FOCAD: variants seen among roughly 807,000 people sequenced by gnomAD.
The protein encoded by FOCAD is KIAA1797.
Under a neutral mutation model 225.6 loss-of-function variants are expected in FOCAD, and 198 were observed. That is an observed-to-expected ratio of 0.88 (90% CI 0.78 to 0.99). FOCAD has a LOEUF of 0.99. Ranked by LOEUF, FOCAD falls within the 50% of genes least tolerant of loss-of-function variation. The pLI is 0.00. For missense variants in FOCAD, 2,713 were observed against 2,123.6 expected (o/e 1.28, Z -5.46); for synonymous variants, 897 against 755.0 (o/e 1.19, Z -3.08).
intron 24 of FOCAD, among the ~76,000 whole-genome samples, chr9:20,919,947 C>A (rs1374033085): frequency 3.3e-5 from 5 of 151,658 alleles, no homozygotes; most frequent in Admixed American, 2.6e-4. Context: ...GCAACAAAAG[C>A]CAAAATTGAC....
At chr9:20,895,708 T>C (rs1832022506) in intron 21 of FOCAD, among the ~76,000 whole-genome samples, 1 of 151,936 alleles carries the variant, frequency 6.6e-6, no homozygotes, top group Non-Finnish European at 1.5e-5. Context: ...CAATTGATTT[T>C]TGTATTGTAA....
At chr9:20,808,041 C>T (rs4977741) in intron 11 of FOCAD, among the ~76,000 whole-genome samples, 129,872 of 151,624 alleles carry the variant, frequency 0.86, 55,667 homozygotes, top group Admixed American at 0.91. Flanking sequence ...AGTGAGACTC[C>T]GTCTAAGAAA....
chr9:20,951,162 G>A, intron 34 of FOCAD, 64 bp downstream of exon 34: 1 of 1,228,404 alleles, frequency 8.1e-7, no homozygotes, highest in Non-Finnish European at 1.2e-6. Flanking sequence ...GCGCTCTGTA[G>A]TTTGTTAAGA....
At chr9:20,937,998 A>G (rs939117915) in intron 28 of FOCAD, among the ~76,000 whole-genome samples, 5 of 152,074 alleles carry the variant, frequency 3.3e-5, no homozygotes, top group Non-Finnish European at 7.4e-5. Flanking sequence ...ATCACTGGCC[A>G]TCAGAGAAAT....
At chr9:20,876,871 T>C (rs1830270938) in intron 19 of FOCAD, among the ~76,000 whole-genome samples, 1 of 152,178 alleles carries the variant, frequency 6.6e-6, no homozygotes, top group Non-Finnish European at 1.5e-5. Context: ...CCTTTCTCCT[T>C]TTAATTCCTT....
At chr9:20,733,967 C>T (rs1397484038) in intron 4 of FOCAD, among the ~76,000 whole-genome samples, 2 of 152,174 alleles carry the variant, frequency 1.3e-5, no homozygotes, top group African/African-American at 2.4e-5. Flanking sequence ...GCTATGATTG[C>T]ACCACTGTGC....
chr9:20,831,622 A>G (rs1414724634), intron 15 of FOCAD, among the ~76,000 whole-genome samples: 1 of 152,078 alleles, frequency 6.6e-6, no homozygotes, highest in Non-Finnish European at 1.5e-5. Context: ...CTCAGGTTGC[A>G]GAGAGACAGA....
At chr9:20,761,816 A>G (rs183966425) in intron 6 of FOCAD, among the ~76,000 whole-genome samples, 1 of 152,268 alleles carries the variant, frequency 6.6e-6, no homozygotes, top group East Asian at 1.9e-4. Flanking sequence ...GTGTAGGTAC[A>G]TACATAATTG....
intron 39 of FOCAD, 22 bp from the exon 40 acceptor site, chr9:20,986,266 A>ATTTTTTGTTTTTTTTTTTTT: frequency 2.8e-6 from 2 of 705,686 alleles, no homozygotes; most frequent in Non-Finnish European, 3.6e-6. Context: ...TAACTAAACA[A>ATTTTTTGTTTTTTTTTTTTT]TTTTTTTTTT....
At chr9:20,832,954 T>C (rs1825657481) in intron 15 of FOCAD, among the ~76,000 whole-genome samples, 1 of 152,068 alleles carries the variant, frequency 6.6e-6, no homozygotes, top group Non-Finnish European at 1.5e-5. Flanking sequence ...CTTTATGAGG[T>C]AGTGACTAAT....
intron 37 of FOCAD, among the ~76,000 whole-genome samples, chr9:20,979,390 G>C (rs1161390801): frequency 1.3e-5 from 2 of 152,186 alleles, no homozygotes. Flanking sequence ...CCAGGCTGGA[G>C]TGCAGTGGCA....
chr9:20,851,769 C>G (rs1827682904), intron 15 of FOCAD, among the ~76,000 whole-genome samples: 1 of 151,728 alleles, frequency 6.6e-6, no homozygotes, highest in Non-Finnish European at 1.5e-5. Context: ...AAGCTGTATC[C>G]AGTTAATAAT....
rs545260289 is a variant in FOCAD, at chr9:20,804,696, T to C, written c.1455+15088T>C. The stretch of plus-strand genomic sequence containing the variant: ...TGATTGAGAGGTCACTGGTGAATAG[T>C]AACACAAGATCTATTACCGTTATTA... On this transcript the variant is annotated intron_variant, in intron 11 of 43. Transcript: ENST00000338382. Among the ~76,000 whole-genome samples, 105 of 152,272 alleles carry C rather than the reference T, an allele frequency of 6.9e-4. 3 individuals are homozygous for C. Among genetic ancestry groups the C allele is most frequent in the African/African-American group, 2.4e-3 (99 of 41,550 alleles).
At chr9:20,829,332 C>G (rs1398956801) in intron 15 of FOCAD, among the ~76,000 whole-genome samples, 2 of 152,066 alleles carry the variant, frequency 1.3e-5, no homozygotes, top group Admixed American at 6.6e-5. Context: ...GCCATCCTGA[C>G]TGGCATGAGA....
chr9:20,985,894 A>G (rs1269563824), intron 39 of FOCAD, among the ~76,000 whole-genome samples: 1 of 152,214 alleles, frequency 6.6e-6, no homozygotes, highest in Non-Finnish European at 1.5e-5. Flanking sequence ...CCTCTTATGT[A>G]TCTTGGGGTT....
intron 11 of FOCAD, among the ~76,000 whole-genome samples, chr9:20,797,713 C>G (rs1821284748): frequency 6.6e-6 from 1 of 152,152 alleles, no homozygotes; most frequent in African/African-American, 2.4e-5. Flanking sequence ...TGAGACTTTG[C>G]TGAAGTTGCT....
chr9:20,805,504 C>T (rs1485950797), intron 11 of FOCAD, among the ~76,000 whole-genome samples: 1 of 152,128 alleles, frequency 6.6e-6, no homozygotes, highest in East Asian at 1.9e-4. Context: ...AATAACATTG[C>T]AAATAATTTG....
intron 1 of FOCAD, among the ~76,000 whole-genome samples, chr9:20,698,866 AT>A (rs1823605530): frequency 6.6e-6 from 1 of 152,134 alleles, no homozygotes; most frequent in Non-Finnish European, 1.5e-5. Flanking sequence ...AGTGTGCTTG[AT>A]TTTAAACCTT....
chr9:20,788,316 A>C (rs913795340), intron 10 of FOCAD, among the ~76,000 whole-genome samples: 1 of 152,092 alleles, frequency 6.6e-6, no homozygotes, highest in Non-Finnish European at 1.5e-5. Context: ...GGGAGTAAGG[A>C]GTGACTATCA....
Sources: gnomAD v4.1 joint callset for allele counts (sites outside exome capture counted in the v4.1 genomes callset) on GRCh38, gnomAD v4.1.1 for gene constraint, MANE v1.5 for transcripts, NCBI Gene and HGNC (gene_info 2026-07-23, HGNC 2026-07-21) for gene names.